The following NCOA3 variants were observed in gnomAD, a reference collection of about 807,000 sequenced individuals.
NCOA3 encodes the protein CBP-interacting protein.
A neutral mutation model predicts 158.8 loss-of-function variants in NCOA3; 51 were observed. The observed-to-expected ratio is 0.32, with a 90% confidence interval of 0.26 to 0.41. NCOA3 has a LOEUF of 0.41. NCOA3 is among the 10% of genes least tolerant of loss of function. The pLI is 1.00. For synonymous variants in NCOA3, 537 were observed against 592.4 expected, an observed-to-expected ratio of 0.91 and a Z score of 1.36; for missense variants, 1,510 against 1,746.6, an observed-to-expected ratio of 0.86 and a Z score of 2.41.
rs980942815 is a variant in NCOA3 at position 47,639,744 on chromosome 20, C to G, written c.2875C>G (p.Pro959Ala). Residue 959 changes from proline (P) to alanine (A), a missense_variant, in exon 15 of 23, where the codon CCC becomes GCC. Transcript: ENST00000371998. ...LPRPALGGSI[P>A]TLPLRSNSIP... is the part of the protein sequence containing the mutation. ...CAGACCTGCACTGGGTGGCTCTATT[C>G]CCACATTGCCTCTTCGGTCTAATAG... is the stretch of plus-strand genomic sequence containing the variant. The G allele has an allele frequency of 2.7e-5, 43 of 1,614,050 alleles. No homozygotes were observed. Among genetic ancestry groups the G allele is most frequent in the Non-Finnish European group, 3.2e-5 (38 of 1,180,044 alleles).
At chr20:47,527,996 A>G (rs1452093207) in intron 1 of NCOA3, among the ~76,000 whole-genome samples, 1 of 152,170 alleles carries the variant, frequency 6.6e-6, no homozygotes, top group African/African-American at 2.4e-5. Flanking sequence ...GTTCTTAGGA[A>G]AAAAACTCAT....
At chr20:47,502,082 G>T in intron 1 of NCOA3, 63 bp downstream of exon 1, 1 of 399,300 alleles carries the variant, frequency 2.5e-6, no homozygotes, top group Non-Finnish European at 4.4e-6. Context: ...GCGGAGGGAA[G>T]AGGGGCGAGT....
At chr20:47,589,073 A>G (rs1390932213) in intron 2 of NCOA3, among the ~76,000 whole-genome samples, 1 of 151,830 alleles carries the variant, frequency 6.6e-6, no homozygotes, top group Non-Finnish European at 1.5e-5. Flanking sequence ...ATTTTTTTTT[A>G]GTAGAGACAG....
At chr20:47,545,311 G>A (rs565785946) in intron 1 of NCOA3, among the ~76,000 whole-genome samples, 15 of 151,782 alleles carry the variant, frequency 9.9e-5, no homozygotes, top group East Asian at 3.9e-4. Flanking sequence ...CTAGTAGCTG[G>A]AACTACAGGC....
intron 1 of NCOA3, among the ~76,000 whole-genome samples, chr20:47,535,914 C>A (rs2084625242): frequency 6.6e-6 from 1 of 152,222 alleles, no homozygotes. Flanking sequence ...GGCTGCCCAG[C>A]AGCTGGACTC....
intron 2 of NCOA3, among the ~76,000 whole-genome samples, chr20:47,597,221 G>C (rs1211377247): frequency 6.6e-6 from 1 of 152,186 alleles, no homozygotes; most frequent in African/African-American, 2.4e-5. Flanking sequence ...CCTCCAACTG[G>C]TCTGCTTTAT....
At chr20:47,596,947 G>T (rs989892217) in intron 2 of NCOA3, among the ~76,000 whole-genome samples, 13 of 152,046 alleles carry the variant, frequency 8.6e-5, no homozygotes, top group African/African-American at 2.9e-4. Context: ...TATTAGCTAA[G>T]TTATTTCATA....
chr20:47,524,685 G>A (rs1275252422), intron 1 of NCOA3, among the ~76,000 whole-genome samples: 2 of 152,174 alleles, frequency 1.3e-5, no homozygotes, highest in African/African-American at 4.8e-5. Flanking sequence ...AGCCAAAAGA[G>A]GAGGTCCCCC....
At chr20:47,640,091 T>C in intron 16 of NCOA3, 40 bp downstream of exon 16, 1 of 1,612,974 alleles carries the variant, frequency 6.2e-7, no homozygotes, top group Non-Finnish European at 8.5e-7. Context: ...AATCTCAGCA[T>C]TGGGTAGTTT....
chr20:47,638,893 GTTTGTT>G (rs2086560262), intron 13 of NCOA3, 109 bp from the exon 14 acceptor site: 3 of 861,774 alleles, frequency 3.5e-6, no homozygotes, highest in Non-Finnish European at 3.3e-6. Context: ...GGAAGACAGT[GTTTGTT>G]TTTGTAAGAA....
intron 1 of NCOA3, among the ~76,000 whole-genome samples, chr20:47,561,964 C>T (rs563354986): frequency 5.2e-4 from 79 of 151,640 alleles, no homozygotes; most frequent in Non-Finnish European, 8.6e-4. Context: ...ATTTTATTGT[C>T]CCCATAGTTT....
rs1019064251 is a variant in NCOA3 at position 47,505,738 on chromosome 20, G to T, written c.-99+3719G>T. Among the ~76,000 whole-genome samples, 4 of 151,312 alleles carry T rather than the reference G, an allele frequency of 2.6e-5. No homozygotes were observed. The East Asian group carries it at 7.7e-4, about 29-fold the overall frequency. On this transcript the variant is annotated intron_variant, in intron 1 of 22. Transcript: ENST00000371998. ...AATTGAAAAACAAGGGGACTATATT[G>T]GTTTGGATTCTCAGGAATAGCTTTG...
intron 1 of NCOA3, among the ~76,000 whole-genome samples, chr20:47,558,996 C>T (rs1370608202): frequency 6.6e-6 from 1 of 152,070 alleles, no homozygotes; most frequent in Non-Finnish European, 1.5e-5. Flanking sequence ...ATGGCATCTT[C>T]AATGGTGTAA....
At chr20:47,653,155 T>C in intron 22 of NCOA3, 83 bp downstream of exon 22, 1 of 1,467,626 alleles carries the variant, frequency 6.8e-7, no homozygotes, top group Non-Finnish European at 9.3e-7. Flanking sequence ...AATCAGAATG[T>C]CCTAGGTATA....
chr20:47,554,093 A>G (rs1453122336), intron 1 of NCOA3, among the ~76,000 whole-genome samples: 2 of 152,152 alleles, frequency 1.3e-5, no homozygotes, highest in Admixed American at 6.6e-5. Flanking sequence ...CTGCCATTCT[A>G]ACTGGTGTGA....
intron 2 of NCOA3, among the ~76,000 whole-genome samples, chr20:47,610,040 A>G (rs138758468): frequency 1.6e-4 from 25 of 152,276 alleles, no homozygotes; most frequent in African/African-American, 5.5e-4. Flanking sequence ...CCTTTTTACC[A>G]GTGCTACCCC....
intron 1 of NCOA3, among the ~76,000 whole-genome samples, chr20:47,569,727 AT>A (rs2146198864): frequency 6.6e-6 from 1 of 151,888 alleles, no homozygotes; most frequent in Admixed American, 6.6e-5. Context: ...CCTGCTGCTC[AT>A]GGCTGGGCGC....
At chr20:47,605,989 A>G (rs1233693991) in intron 2 of NCOA3, among the ~76,000 whole-genome samples, 1 of 152,136 alleles carries the variant, frequency 6.6e-6, no homozygotes, top group East Asian at 1.9e-4. Context: ...TACTTGCTTT[A>G]TTTACTTACC....
chr20:47,514,147 TC>T (rs1177890582), intron 1 of NCOA3, among the ~76,000 whole-genome samples: 1 of 152,052 alleles, frequency 6.6e-6, no homozygotes, highest in Non-Finnish European at 1.5e-5. Context: ...TCTCTTTAAG[TC>T]AACATTTTCT....
Sources: allele counts gnomAD v4.1 joint callset (sites outside exome capture counted in the v4.1 genomes callset), GRCh38; gene constraint gnomAD v4.1.1; transcripts MANE v1.5; gene names NCBI Gene and HGNC (gene_info 2026-07-23, HGNC 2026-07-21).